The following FANCC variants were observed in gnomAD, a reference collection of about 807,000 sequenced individuals.
FANCC encodes the protein Fanconi anemia group C protein.
A neutral mutation model predicts 71.3 loss-of-function variants in FANCC; 55 were observed. That is an observed-to-expected ratio of 0.77 (90% CI 0.62 to 0.97). FANCC has a LOEUF of 0.97. Ranked by LOEUF, FANCC falls within the 50% of genes least tolerant of loss-of-function variation. The pLI is 0.00. For synonymous variants in FANCC, 275 were observed against 244.9 expected (o/e 1.12, Z -1.15); for missense variants, 678 against 670.9 (o/e 1.01, Z -0.12).
chr9:95,231,557 A>G (rs937570488), intron 4 of FANCC, among the ~76,000 whole-genome samples: 5 of 152,160 alleles, frequency 3.3e-5, no homozygotes, highest in Admixed American at 6.5e-5. Flanking sequence ...TTTTCACCCA[A>G]TAAAACCCAG....
At chr9:95,271,739 A>G (rs184490452) in intron 1 of FANCC, among the ~76,000 whole-genome samples, 4 of 151,922 alleles carry the variant, frequency 2.6e-5, no homozygotes, top group Admixed American at 2.6e-4. Context: ...TGATCTGAAG[A>G]TTCCCTTCTA....
At chr9:95,190,500 G>C (rs1827020692) in intron 4 of FANCC, among the ~76,000 whole-genome samples, 1 of 152,042 alleles carries the variant, frequency 6.6e-6, no homozygotes, top group African/African-American at 2.4e-5. Context: ...CATTCTTCAG[G>C]CTTCTCTAAT....
At chr9:95,260,073 A>G (rs1358869981) in intron 1 of FANCC, among the ~76,000 whole-genome samples, 1 of 152,184 alleles carries the variant, frequency 6.6e-6, no homozygotes, top group Admixed American at 6.5e-5. Flanking sequence ...AGAAACAGGA[A>G]CGCTTTTACC....
chr9:95,266,067 A>C (rs1832367072), intron 1 of FANCC, among the ~76,000 whole-genome samples: 2 of 152,206 alleles, frequency 1.3e-5, no homozygotes, highest in Admixed American at 6.5e-5. Context: ...CATCAAAATC[A>C]AATGCAAGGT....
chr9:95,231,566 A>G (rs887766275), intron 4 of FANCC, among the ~76,000 whole-genome samples: 9 of 152,154 alleles, frequency 5.9e-5, no homozygotes, highest in African/African-American at 2.2e-4. Context: ...AATAAAACCC[A>G]GTCTCACTCA....
intron 1 of FANCC, among the ~76,000 whole-genome samples, chr9:95,291,993 T>TATATATATATATATATA (rs1834048581): frequency 8.0e-6 from 1 of 124,470 alleles, no homozygotes; most frequent in Admixed American, 8.2e-5. Flanking sequence ...TATATATATA[T>TATATATATATATATATA]TAAGACCCCA....
intron 6 of FANCC, among the ~76,000 whole-genome samples, chr9:95,166,377 C>T (rs538940030): frequency 3.9e-5 from 6 of 152,112 alleles, no homozygotes; most frequent in African/African-American, 1.2e-4. Context: ...TTCCATTGTA[C>T]ATCTCCTACA....
rs1473902493 is a variant in FANCC, at chr9:95,101,076, GTAGCAGT to G, written c.*624_*630del. 4.3e-6 allele frequency: 1 copy of G among 235,184 alleles called. No homozygotes were observed. Among genetic ancestry groups the G allele is most frequent in the Non-Finnish European group, 8.4e-6 (1 of 119,338 alleles). The allele number at this position is 235,184 out of a possible 1,614,324, so 14.6% of individuals were successfully genotyped here. ...CCTCTGATGTCCCAAGGGCCTTTTGGTAGCAGTTAGCATCATTTAGCAAATACAGAGT... is the reference window on the plus strand; with the variant it reads ...CCTCTGATGTCCCAAGGGCCTTTTGGTAGCATCATTTAGCAAATACAGAGT... On this transcript the variant is annotated 3_prime_UTR_variant, in exon 15 of 15. Transcript: ENST00000289081.
intron 6 of FANCC, among the ~76,000 whole-genome samples, chr9:95,169,181 A>T (rs1825500811): frequency 6.6e-6 from 1 of 152,238 alleles, no homozygotes; most frequent in South Asian, 2.1e-4. Flanking sequence ...GGTTGCTGAG[A>T]TCTATAGTAA....
At chr9:95,117,903 G>T (rs967386977) in intron 10 of FANCC, among the ~76,000 whole-genome samples, 13 of 152,060 alleles carry the variant, frequency 8.5e-5, no homozygotes, top group Non-Finnish European at 1.9e-4. Flanking sequence ...GTACTTTTTA[G>T]TAGAGACAGA....
intron 3 of FANCC, among the ~76,000 whole-genome samples, chr9:95,247,041 C>T (rs1285627664): frequency 6.6e-6 from 1 of 150,670 alleles, no homozygotes; most frequent in Non-Finnish European, 1.5e-5. Flanking sequence ...AGTTATGAAA[C>T]CGTGAAACAA....
chr9:95,152,368 T>TA (rs1459170297), intron 6 of FANCC, among the ~76,000 whole-genome samples: 1 of 152,160 alleles, frequency 6.6e-6, no homozygotes, highest in Non-Finnish European at 1.5e-5. Flanking sequence ...AAGAAGGTGA[T>TA]ATGTGAGCAG....
intron 1 of FANCC, among the ~76,000 whole-genome samples, chr9:95,253,050 G>A (rs1316352719): frequency 6.6e-6 from 1 of 152,082 alleles, no homozygotes; most frequent in Non-Finnish European, 1.5e-5. Flanking sequence ...GTGTGAGACA[G>A]CCAGACTGTC....
At chr9:95,156,510 T>C (rs897614815) in intron 6 of FANCC, among the ~76,000 whole-genome samples, 24 of 152,220 alleles carry the variant, frequency 1.6e-4, no homozygotes, top group African/African-American at 5.8e-4. Context: ...ATATAGTTTT[T>C]AAGATAATTC....
intron 4 of FANCC, among the ~76,000 whole-genome samples, chr9:95,239,268 C>T (rs1299067407): frequency 6.6e-6 from 1 of 152,154 alleles, no homozygotes; most frequent in African/African-American, 2.4e-5. Flanking sequence ...ACCTGGTTAC[C>T]AGTCTGGGAA....
intron 10 of FANCC, 73 bp downstream of exon 10, chr9:95,125,013 G>A: frequency 1.6e-6 from 2 of 1,264,432 alleles, no homozygotes; most frequent in African/African-American, 1.5e-5. Flanking sequence ...AAAATAAAGT[G>A]CTCTTGTCCA....
chr9:95,271,927 CT>C (rs869093626), intron 1 of FANCC, among the ~76,000 whole-genome samples: 438 of 50,442 alleles, frequency 8.7e-3, no homozygotes, highest in African/African-American at 0.026. Context: ...CAAGCCTCTT[CT>C]TTTTTTTTTT....
intron 1 of FANCC, among the ~76,000 whole-genome samples, chr9:95,251,897 AAAGG>A (rs1424532640): frequency 1.3e-5 from 2 of 152,220 alleles, no homozygotes; most frequent in African/African-American, 2.4e-5. Context: ...GTAAAAACTG[AAAGG>A]AAGTAACTGC....
intron 4 of FANCC, among the ~76,000 whole-genome samples, chr9:95,219,569 A>T (rs1425212855): frequency 1.3e-5 from 2 of 152,148 alleles, no homozygotes; most frequent in African/African-American, 4.8e-5. Flanking sequence ...TCTAGAAACA[A>T]CCCTAAAGAA....
Sources: gnomAD v4.1 joint callset for allele counts (sites outside exome capture counted in the v4.1 genomes callset) on GRCh38, gnomAD v4.1.1 for gene constraint, MANE v1.5 for transcripts, NCBI Gene and HGNC (gene_info 2026-07-23, HGNC 2026-07-21) for gene names.